CNKSR2: variants seen among roughly 807,000 people sequenced by gnomAD.
The protein encoded by CNKSR2 is CNK homolog protein 2.
In CNKSR2, 14 loss-of-function variants were observed where a neutral mutation model predicts 84.4. That is an observed-to-expected ratio of 0.17 (90% CI 0.11 to 0.26). The LOEUF (loss-of-function observed/expected upper bound fraction) is 0.26. Among genes scored for constraint, CNKSR2 ranks in the 10% least tolerant of loss-of-function variants. CNKSR2 has a pLI of 1.00. For synonymous variants in CNKSR2, 275 were observed against 277.9 expected, an observed-to-expected ratio of 0.99 and a Z score of 0.10; for missense variants, 485 against 771.2, an observed-to-expected ratio of 0.63 and a Z score of 4.40.
At chrX:21,600,902 A>G (rs2092477824) in intron 17 of CNKSR2, among the ~76,000 whole-genome samples, 1 of 112,469 alleles carries the variant, frequency 8.9e-6, no homozygotes, top group Non-Finnish European at 1.9e-5. Flanking sequence ...ATCAGAATAA[A>G]TTGAACCTGA....
chrX:21,578,554 T>G (rs1418080157), intron 13 of CNKSR2, among the ~76,000 whole-genome samples: 2 of 109,511 alleles, frequency 1.8e-5, no homozygotes, highest in African/African-American at 3.3e-5. Flanking sequence ...TACCTGTTTT[T>G]TTTTTTTTTT....
At chrX:21,542,815 T>C (rs1449181492) in intron 11 of CNKSR2, among the ~76,000 whole-genome samples, 1 of 112,031 alleles carries the variant, frequency 8.9e-6, no homozygotes, top group African/African-American at 3.2e-5. Context: ...GGTTTGAAGG[T>C]AGGAATCCAG....
At chrX:21,377,307 A>G (rs182500075) in intron 1 of CNKSR2, among the ~76,000 whole-genome samples, 6 of 112,480 alleles carry the variant, frequency 5.3e-5, no homozygotes, top group Non-Finnish European at 1.1e-4. Context: ...CATTTCCTCA[A>G]CTTGTAACTT....
chrX:21,583,187 C>T (rs748256642), intron 13 of CNKSR2, among the ~76,000 whole-genome samples: 1 of 111,719 alleles, frequency 9.0e-6, no homozygotes, highest in South Asian at 3.8e-4. Flanking sequence ...CCTCATCCCA[C>T]TCTAATGAAA....
chrX:21,399,200 C>T (rs2090157421), intron 1 of CNKSR2, among the ~76,000 whole-genome samples: 1 of 111,322 alleles, frequency 9.0e-6, no homozygotes, highest in African/African-American at 3.3e-5. Context: ...CACCTCCATC[C>T]AGTCAAATAA....
chrX:21,451,288 A>T, intron 4 of CNKSR2, among the ~76,000 whole-genome samples: 1 of 111,629 alleles, frequency 9.0e-6, no homozygotes, highest in East Asian at 2.8e-4. Context: ...TAAATAACTG[A>T]TGAAAACATA....
In CNKSR2 at chrX:21,426,568, C is replaced by T. The variant is rs756206673; in HGVS notation, c.136C>T (p.Arg46Cys). The T allele has an allele frequency of 4.1e-6, 5 of 1,207,608 alleles. No individual in the cohort carries two copies. The highest frequency in any genetic ancestry group is 5.6e-6 in the Non-Finnish European group (5 of 893,209). Residue 46 changes from arginine to cysteine, a missense_variant, in exon 2 of 22, where the codon CGC (arginine) becomes TGC (cysteine). This residue lies in a region of CNKSR2 where 109 missense variants were observed against 197.5 expected (regional missense o/e 0.55). Coordinates refer to ENST00000379510, the MANE Select transcript of CNKSR2 (RefSeq NM_014927.5). ...REKISGDQLL[R>C]ITHQELEDLG... ...GAAGATCAGTGGGGACCAGCTGCTGCGCATTACACATCAGGAGCTAGAAGA... is the reference window on the plus strand; with the variant it reads ...GAAGATCAGTGGGGACCAGCTGCTGTGCATTACACATCAGGAGCTAGAAGA...
chrX:21,386,253 G>A (rs756939275), intron 1 of CNKSR2, among the ~76,000 whole-genome samples: 14 of 111,184 alleles, frequency 1.3e-4, no homozygotes, highest in Admixed American at 2.9e-4. Flanking sequence ...TTTTTGGTGC[G>A]TTCCTATGGA....
intron 6 of CNKSR2, chrX:21,494,378 G>A (rs752289280): frequency 1.8e-5 from 2 of 112,452 alleles, no homozygotes; most frequent in Non-Finnish European, 3.8e-5. Context: ...GTTGACAGCT[G>A]TTGTGAAACC....
intron 9 of CNKSR2, among the ~76,000 whole-genome samples, chrX:21,520,774 C>A (rs768866215): frequency 9.3e-6 from 1 of 107,307 alleles, no homozygotes; most frequent in East Asian, 2.9e-4. Flanking sequence ...ATATATTGTT[C>A]AAGACATTTT....
chrX:21,414,326 G>A (rs754430792), intron 1 of CNKSR2, among the ~76,000 whole-genome samples: 20 of 111,100 alleles, frequency 1.8e-4, no homozygotes, highest in South Asian at 1.1e-3. Context: ...GGTCAGTGAC[G>A]CTGCATACCT....
At chrX:21,526,512 G>T (rs1423592432) in intron 9 of CNKSR2, among the ~76,000 whole-genome samples, 3 of 110,945 alleles carry the variant, frequency 2.7e-5, no homozygotes, top group African/African-American at 9.8e-5. Context: ...TTAAAGGTGG[G>T]ATTCTGACAA....
intron 5 of CNKSR2, among the ~76,000 whole-genome samples, chrX:21,478,614 C>T (rs2091283701): frequency 9.0e-6 from 1 of 111,633 alleles, no homozygotes; most frequent in South Asian, 3.8e-4. Flanking sequence ...CAGTAGTATT[C>T]ATTTTTGTTG....
intron 18 of CNKSR2, among the ~76,000 whole-genome samples, chrX:21,605,619 T>G (rs1478272092): frequency 8.9e-6 from 1 of 111,835 alleles, no homozygotes; most frequent in Non-Finnish European, 1.9e-5. Flanking sequence ...AGGCAGTTTC[T>G]TAGTTCAAAT....
In CNKSR2 at chrX:21,518,448, A is replaced by T. The variant is rs774665321; in HGVS notation, c.957+1817A>T. Among the ~76,000 whole-genome samples the T allele has an allele frequency of 2.7e-5, 3 of 111,887 alleles. No homozygotes were observed. In the South Asian group the frequency reaches 1.1e-3, roughly 41 times the overall value. On this transcript the variant is annotated intron_variant, in intron 9 of 21. Transcript: ENST00000379510. ...TTGATCCATGCACTCGGTTTGAGGG[A>T]ATATCTCTAGCACATGCTTTTATAA...
chrX:21,472,074 G>A (rs2091204262), intron 5 of CNKSR2, among the ~76,000 whole-genome samples: 1 of 111,681 alleles, frequency 9.0e-6, no homozygotes, highest in Non-Finnish European at 1.9e-5. Flanking sequence ...AGATCTGGCA[G>A]TTGCTACCAA....
intron 1 of CNKSR2, among the ~76,000 whole-genome samples, chrX:21,420,005 G>A (rs1314272866): frequency 2.7e-5 from 3 of 112,582 alleles, no homozygotes; most frequent in African/African-American, 9.7e-5. Context: ...CAGGCCCTGG[G>A]TGGGTCCAGA....
At chrX:21,565,900 A>G (rs1367130886) in intron 13 of CNKSR2, among the ~76,000 whole-genome samples, 1 of 111,280 alleles carries the variant, frequency 9.0e-6, no homozygotes, top group Admixed American at 9.6e-5. Context: ...CTTCACAGCA[A>G]CCCTATTTGC....
At chrX:21,496,502 T>G (rs2091501713) in intron 6 of CNKSR2, among the ~76,000 whole-genome samples, 1 of 111,735 alleles carries the variant, frequency 8.9e-6, no homozygotes, top group Non-Finnish European at 1.9e-5. Flanking sequence ...TTCATTTTGT[T>G]TCATATTAGC....
Sources: allele counts gnomAD v4.1 joint callset (sites outside exome capture counted in the v4.1 genomes callset), GRCh38; gene constraint gnomAD v4.1.1; regional missense constraint gnomAD v4.1.1; transcripts MANE v1.5; gene names NCBI Gene and HGNC (gene_info 2026-07-23, HGNC 2026-07-21).